Variants in ADAMTSL1 observed in about 807,000 individuals in gnomAD.
The protein encoded by ADAMTSL1 is ADAMTS-like protein 1.
In ADAMTSL1, 126 loss-of-function variants were observed where a neutral mutation model predicts 201.8. That is an observed-to-expected ratio of 0.62 (90% CI 0.54 to 0.72). The LOEUF (loss-of-function observed/expected upper bound fraction) is 0.72, where lower values mean the gene tolerates loss of function less well. ADAMTSL1 is among the 30% of genes least tolerant of loss of function. The probability of loss-of-function intolerance (pLI) is 0.00; values close to 1 mark genes in which losing one functional copy is unlikely to be tolerated. For synonymous variants in ADAMTSL1, 1,121 were observed against 903.4 expected, an observed-to-expected ratio of 1.24 and a Z score of -4.32; for missense variants, 2,679 against 2,277.8, an observed-to-expected ratio of 1.18 and a Z score of -3.59.
chr9:18,544,047 G>A (rs1320144542), intron 3 of ADAMTSL1, among the ~76,000 whole-genome samples: 1 of 152,070 alleles, frequency 6.6e-6, no homozygotes, highest in African/African-American at 2.4e-5. Flanking sequence ...CAGGCTTGGG[G>A]GCTCTGTTAC....
At chr9:18,623,243 C>CAAA (rs11313686) in intron 5 of ADAMTSL1, among the ~76,000 whole-genome samples, 22 of 140,808 alleles carry the variant, frequency 1.6e-4, no homozygotes, top group South Asian at 2.2e-4. Flanking sequence ...TCAATACTAG[C>CAAA]AAAAAAAAAA....
chr9:18,696,849 T>C (rs2133277648), intron 13 of ADAMTSL1, among the ~76,000 whole-genome samples: 1 of 113,040 alleles, frequency 8.8e-6, no homozygotes, highest in Non-Finnish European at 1.9e-5. Flanking sequence ...AAATATAAAA[T>C]AATCACATGT....
intron 23 of ADAMTSL1, among the ~76,000 whole-genome samples, chr9:18,862,297 CTT>C (rs1485712947): frequency 9.9e-5 from 15 of 152,202 alleles, no homozygotes; most frequent in South Asian, 2.1e-4. Context: ...CAGAGCAAAA[CTT>C]AGCCTGAGTT....
intron 3 of ADAMTSL1, among the ~76,000 whole-genome samples, chr9:18,538,110 A>G (rs981657051): frequency 6.6e-6 from 1 of 152,120 alleles, no homozygotes; most frequent in African/African-American, 2.4e-5. Flanking sequence ...CTCACTCTGG[A>G]GAATGGATGC....
At chr9:18,770,575 T>G in intron 16 of ADAMTSL1, 27 bp from the exon 17 acceptor site, 1 of 1,589,324 alleles carries the variant, frequency 6.3e-7, no homozygotes, top group Non-Finnish European at 8.6e-7. Flanking sequence ...GGTCTACTTT[T>G]TCTTCTTTCC....
chr9:18,522,885 G>T (rs1163165155), intron 2 of ADAMTSL1, among the ~76,000 whole-genome samples: 2 of 152,058 alleles, frequency 1.3e-5, no homozygotes, highest in African/African-American at 4.8e-5. Flanking sequence ...ATTGTGAATA[G>T]TGCCGCAATA....
At chr9:18,421,598 T>G (rs1236214483) in intron 2 of ADAMTSL1, among the ~76,000 whole-genome samples, 1 of 152,198 alleles carries the variant, frequency 6.6e-6, no homozygotes, top group African/African-American at 2.4e-5. Context: ...AACCCTCTCC[T>G]GCTCAACAGG....
At chr9:18,074,767 T>C (rs996587033) in intron 1 of ADAMTSL1, among the ~76,000 whole-genome samples, 3 of 151,930 alleles carry the variant, frequency 2.0e-5, no homozygotes, top group Admixed American at 2.0e-4. Context: ...ATTTTTGTAT[T>C]TTTAGTAGAG....
chr9:18,842,709 C>G (rs1825806141), intron 23 of ADAMTSL1, among the ~76,000 whole-genome samples: 1 of 152,150 alleles, frequency 6.6e-6, no homozygotes, highest in Non-Finnish European at 1.5e-5. Flanking sequence ...CTTTATGAAT[C>G]TGGGTGCTCC....
intron 23 of ADAMTSL1, among the ~76,000 whole-genome samples, chr9:18,859,232 G>T (rs1010870826): frequency 3.3e-5 from 5 of 152,134 alleles, no homozygotes; most frequent in African/African-American, 1.2e-4. Flanking sequence ...CCTTCTGGAG[G>T]CTCTACGGGG....
At chr9:18,494,062 C>G (rs1429007683) in intron 1 of ADAMTSL1, among the ~76,000 whole-genome samples, 2 of 152,074 alleles carry the variant, frequency 1.3e-5, no homozygotes, top group Non-Finnish European at 2.9e-5. Flanking sequence ...GCAATATGCT[C>G]AAAACACACA....
At chr9:18,374,576 C>T (rs1837201006) in intron 2 of ADAMTSL1, among the ~76,000 whole-genome samples, 1 of 152,060 alleles carries the variant, frequency 6.6e-6, no homozygotes, top group African/African-American at 2.4e-5. Context: ...TCAAGTAATC[C>T]TCCTGTCTCA....
intron 16 of ADAMTSL1, among the ~76,000 whole-genome samples, chr9:18,765,827 A>G (rs900592924): frequency 3.3e-5 from 5 of 152,200 alleles, no homozygotes; most frequent in African/African-American, 9.7e-5. Flanking sequence ...TATGAGAGCT[A>G]TTATAAAAAA....
chr9:18,368,185 G>A (rs1260880681), intron 2 of ADAMTSL1, among the ~76,000 whole-genome samples: 2 of 152,016 alleles, frequency 1.3e-5, no homozygotes, highest in African/African-American at 2.4e-5. Flanking sequence ...AAAGTGCTGC[G>A]ATTACAGGCG....
At chr9:18,046,493 G>A (rs1051790469) in intron 1 of ADAMTSL1, among the ~76,000 whole-genome samples, 22 of 152,232 alleles carry the variant, frequency 1.4e-4, no homozygotes, top group African/African-American at 5.1e-4. Context: ...CATTTAACTG[G>A]CTAAAATATA....
chr9:17,929,646 C>T (rs1461119368), intron 1 of ADAMTSL1, among the ~76,000 whole-genome samples: 1 of 152,134 alleles, frequency 6.6e-6, no homozygotes, highest in African/African-American at 2.4e-5. Context: ...AGGGACTTTG[C>T]ACAATTTGTT....
At chr9:18,878,519 GCTC>G (rs1828315254) in intron 23 of ADAMTSL1, among the ~76,000 whole-genome samples, 1 of 152,180 alleles carries the variant, frequency 6.6e-6, no homozygotes, top group African/African-American at 2.4e-5. Flanking sequence ...ATTAATCTCA[GCTC>G]CTGGTAAGGT....
At position 18,817,175 on chromosome 9, in the gene ADAMTSL1, A is replaced by T; in HGVS notation, c.3872A>T (p.Asp1291Val). 2 of 1,586,218 alleles carry T rather than the reference A, an allele frequency of 1.3e-6. No homozygotes were observed. The highest frequency in any genetic ancestry group is 1.7e-6 in the Non-Finnish European group (2 of 1,165,552). The change falls in exon 21 of 29, where the codon GAT becomes GTT. Residue 1291 changes from aspartate (D) to valine (V), a missense_variant. Asp to Val is a radical substitution (Grantham distance 152). Coordinates refer to ENST00000380548, the MANE Select transcript of ADAMTSL1 (RefSeq NM_001040272.6). ...INTEKPAVTV[D>V]IGSTIKTVQG... Reference sequence around the variant, plus strand: ...ACGGAGAAGCCTGCAGTCACAGTCGATATAGGAAGCACCATCAAAACAGTG... The same window carrying T: ...ACGGAGAAGCCTGCAGTCACAGTCGTTATAGGAAGCACCATCAAAACAGTG...
intron 7 of ADAMTSL1, among the ~76,000 whole-genome samples, chr9:18,648,294 A>G (rs1827952029): frequency 6.9e-6 from 1 of 145,914 alleles, no homozygotes; most frequent in Admixed American, 7.0e-5. Flanking sequence ...TGCATGTGAG[A>G]TGGGTTTCCT....
Sources: allele counts gnomAD v4.1 joint callset (sites outside exome capture counted in the v4.1 genomes callset), GRCh38; gene constraint gnomAD v4.1.1; transcripts MANE v1.5; gene names NCBI Gene and HGNC (gene_info 2026-07-23, HGNC 2026-07-21).